The following NEO1 variants were observed in gnomAD, a reference collection of about 807,000 sequenced individuals.
NEO1 encodes neogenin 1.
NEO1 carries 63 observed loss-of-function variants against 159.7 expected under a neutral mutation model. That is an observed-to-expected ratio of 0.39 (90% CI 0.32 to 0.49). The LOEUF (loss-of-function observed/expected upper bound fraction) is 0.49, where lower values mean the gene tolerates loss of function less well. NEO1 is among the 20% of genes least tolerant of loss of function. NEO1 has a pLI of 0.85. For missense variants in NEO1, 1,615 were observed against 1,831.0 expected (o/e 0.88, Z 2.15); for synonymous variants, 633 against 662.0 (o/e 0.96, Z 0.67).
intron 13 of NEO1, 130 bp from the exon 14 acceptor site, chr15:73,258,634 TAA>T (rs1319214216): frequency 3.0e-6 from 2 of 674,338 alleles, no homozygotes; most frequent in Admixed American, 5.2e-5. Context: ...TACACTGTAT[TAA>T]CTTAAACTGA....
chr15:73,052,121 G>A (rs2067460595), upstream of NEO1, among the ~76,000 whole-genome samples: 1 of 150,512 alleles, frequency 6.6e-6, no homozygotes. Flanking sequence ...GCCAGCAGCA[G>A]CGCCCGGCGC....
intron 11 of NEO1, 53 bp from the exon 12 acceptor site, chr15:73,253,347 G>A: frequency 9.5e-7 from 1 of 1,051,166 alleles, no homozygotes; most frequent in Non-Finnish European, 1.4e-6. Flanking sequence ...CACATGATGG[G>A]TGATGTATGG....
At chr15:73,258,116 T>A (rs768992215) in intron 13 of NEO1, among the ~76,000 whole-genome samples, 4 of 152,222 alleles carry the variant, frequency 2.6e-5, no homozygotes, top group African/African-American at 9.7e-5. Context: ...TGTGCATGTT[T>A]GTTGCGTTTG....
intron 5 of NEO1, 80 bp from the exon 6 acceptor site, chr15:73,176,323 T>G: frequency 1.0e-6 from 1 of 983,318 alleles, no homozygotes; most frequent in Non-Finnish European, 1.4e-6. Context: ...GTGGATTTTA[T>G]GATTTAAAAA....
chr15:73,200,040 A>G (rs985037620), intron 7 of NEO1, among the ~76,000 whole-genome samples: 2 of 152,196 alleles, frequency 1.3e-5, no homozygotes, highest in African/African-American at 4.8e-5. Context: ...TTCAGATCAT[A>G]GCACTGGCTT....
At chr15:73,291,320 T>C (rs1228827996) in intron 25 of NEO1, among the ~76,000 whole-genome samples, 1 of 152,218 alleles carries the variant, frequency 6.6e-6, no homozygotes, top group Non-Finnish European at 1.5e-5. Context: ...TGTATTACTT[T>C]TAAATATGTT....
At chr15:73,206,799 A>G (rs1216319591) in intron 7 of NEO1, among the ~76,000 whole-genome samples, 1 of 151,260 alleles carries the variant, frequency 6.6e-6, no homozygotes, top group Non-Finnish European at 1.5e-5. Context: ...AATTTTAAGA[A>G]TGGCATTTTC....
chr15:73,253,411 G>C lies in NEO1; in HGVS notation c.1906G>C (p.Ala636Pro), dbSNP rs771898900. Reference protein sequence around the residue: ...VRTLSDVPSAAPQNLSLEVRN... With the variant: ...VRTLSDVPSAPPQNLSLEVRN... ...TTTTGTTTCTCTAGTTCCCAGTGCT[G>C]CTCCTCAGAATCTGTCCTTGGAAGT... Residue 636 changes from alanine to proline, a missense_variant, in exon 12 of 29, where the codon GCT (alanine) becomes CCT (proline). By Grantham distance (27) the Ala-to-Pro change is conservative (BLOSUM62 -1). This residue lies in a region of NEO1 where 1,018 missense variants were observed against 1,115.4 expected (regional missense o/e 0.91). Coordinates refer to ENST00000261908, the MANE Select transcript of NEO1 (RefSeq NM_002499.4). The C allele has an allele frequency of 2.5e-6, 4 of 1,572,818 alleles. No homozygotes were observed. Among genetic ancestry groups the C allele is most frequent in the African/African-American group, 1.4e-5 (1 of 72,256 alleles).
At chr15:73,060,920 G>A (rs970850980) in intron 1 of NEO1, among the ~76,000 whole-genome samples, 1 of 152,286 alleles carries the variant, frequency 6.6e-6, no homozygotes, top group East Asian at 1.9e-4. Flanking sequence ...AAAGTGCTGG[G>A]ATTACAAATG....
At chr15:73,072,151 AT>A in intron 1 of NEO1, among the ~76,000 whole-genome samples, 1 of 152,150 alleles carries the variant, frequency 6.6e-6, no homozygotes, top group Admixed American at 6.5e-5. Flanking sequence ...GGGTTTCACC[AT>A]TTTGAACAGG....
intron 4 of NEO1, 101 bp from the exon 5 acceptor site, chr15:73,135,790 A>C (rs1176700544): frequency 9.5e-7 from 1 of 1,054,074 alleles, no homozygotes; most frequent in African/African-American, 1.6e-5. Flanking sequence ...ATAAATAATA[A>C]TACTCTTTAA....
rs778004976 is a variant in NEO1, at chr15:73,298,384, C to T, written c.3938C>T (p.Pro1313Leu). ...AATACCCCCAGCACTGACACCATGC[C>T]AGCCTCTTCGTCTCAAACATGCTGC... ...VRNTPSTDTM[P>L]ASSSQTCCTD... The change falls in exon 27 of 29, where the codon CCA becomes CTA. Residue 1313 changes from proline to leucine, a missense_variant. This residue lies in a region of NEO1 where 471 missense variants were observed against 498.9 expected (regional missense o/e 0.94). Transcript: ENST00000261908. 6.2e-7 allele frequency: 1 copy of T among 1,614,186 alleles called. No individual in the cohort carries two copies. Among genetic ancestry groups the T allele is most frequent in the East Asian group, 2.2e-5 (1 of 44,884 alleles).
At chr15:73,170,944 C>T (rs1326178231) in intron 5 of NEO1, among the ~76,000 whole-genome samples, 1 of 150,610 alleles carries the variant, frequency 6.6e-6, no homozygotes, top group African/African-American at 2.4e-5. Flanking sequence ...GAGAGATAGA[C>T]ACACATGATG....
Position 73,211,978 on chromosome 15 carries a change from C to T in NEO1, c.1292-24369C>T, listed in dbSNP as rs114775948. Among the ~76,000 whole-genome samples the T allele has an allele frequency of 1.8e-3, 276 of 152,272 alleles. 1 individual carries two copies. Among genetic ancestry groups the T allele is most frequent in the African/African-American group, 6.5e-3 (269 of 41,566 alleles). ...TTTGTCTGATACTTTTTTGTGATTA[C>T]ATTGAGGTTATGGATTTTTTTTGGA... On this transcript the variant is annotated intron_variant, in intron 7 of 28. Coordinates refer to ENST00000261908, the MANE Select transcript of NEO1 (RefSeq NM_002499.4).
At chr15:73,065,732 A>G (rs903067604) in intron 1 of NEO1, among the ~76,000 whole-genome samples, 2 of 152,240 alleles carry the variant, frequency 1.3e-5, no homozygotes, top group African/African-American at 4.8e-5. Flanking sequence ...GTGTGGGCTG[A>G]TCACTTTCAT....
chr15:73,145,371 G>T (rs115435973), intron 5 of NEO1, among the ~76,000 whole-genome samples: 4,349 of 152,204 alleles, frequency 0.029, 82 homozygotes, highest in African/African-American at 0.059. Context: ...AGGGCAGTTT[G>T]GTAATTTTAT....
chr15:73,127,614 T>A (rs1307621184), intron 4 of NEO1, among the ~76,000 whole-genome samples: 3 of 152,206 alleles, frequency 2.0e-5, no homozygotes, highest in Non-Finnish European at 4.4e-5. Flanking sequence ...TCTACAGCAG[T>A]GCTGTTCAAT....
At chr15:73,171,006 A>G (rs2034925583) in intron 5 of NEO1, among the ~76,000 whole-genome samples, 1 of 152,028 alleles carries the variant, frequency 6.6e-6, no homozygotes, top group African/African-American at 2.4e-5. Context: ...CTCGGGGGAA[A>G]AAAAAAAAAC....
intron 5 of NEO1, among the ~76,000 whole-genome samples, chr15:73,153,322 G>A (rs961430171): frequency 6.6e-6 from 1 of 152,130 alleles, no homozygotes; most frequent in Non-Finnish European, 1.5e-5. Flanking sequence ...GCCCAGTCAA[G>A]TTGACACATA....
Sources: gnomAD v4.1 joint callset for allele counts (sites outside exome capture counted in the v4.1 genomes callset) on GRCh38, gnomAD v4.1.1 for gene constraint, gnomAD v4.1.1 regional missense constraint, MANE v1.5 for transcripts, NCBI Gene and HGNC (gene_info 2026-07-23, HGNC 2026-07-21) for gene names.